The following DPH7 variants were observed in gnomAD, a reference collection of about 807,000 sequenced individuals.
DPH7 encodes diphthine methyltransferase.
In DPH7, 44 loss-of-function variants were observed where a neutral mutation model predicts 41.7. The observed-to-expected ratio is 1.05, with a 90% CI of 0.83 to 1.36. DPH7 has a LOEUF of 1.36. DPH7 is among the 40% of genes most tolerant of loss of function. The pLI is 0.00. For missense variants in DPH7, 629 were observed against 577.5 expected (o/e 1.09, Z -0.91); for synonymous variants, 275 against 238.0 (o/e 1.16, Z -1.43).
chr9:137,558,168 C>T (rs1048857496), intron 8 of DPH7, among the ~76,000 whole-genome samples: 2 of 152,146 alleles, frequency 1.3e-5, no homozygotes, highest in East Asian at 1.9e-4. Flanking sequence ...AAGGCCTATA[C>T]AGAGTACCTG....
rs894344812 is a variant in DPH7 at position 137,555,558 on chromosome 9, G to A, written c.1040C>T (p.Ser347Phe). 3.7e-6 allele frequency: 6 copies of A among 1,613,834 alleles called. No homozygotes were observed. Among genetic ancestry groups the A allele is most frequent in the Non-Finnish European group, 5.1e-6 (6 of 1,180,000 alleles). ...GADWSWLLFR[S>F]LQRAPSWSFP... ...GGACCACGAGGGGGCCCGCTGCAGA[G>A]AACGGAAGAGCAGCCAGGACCAGTC... The change falls in exon 9 of 9, where the codon TCT becomes TTT. Residue 347 changes from serine to phenylalanine, a missense_variant. By Grantham distance (155) the Ser-to-Phe change is radical. Transcript: ENST00000277540.
Position 137,578,749 on chromosome 9 carries a change from A to T in DPH7, c.29T>A (p.Val10Glu). Residue 10 changes from valine to glutamate, a missense_variant, in exon 1 of 9, where the codon GTG becomes GAG. Transcript: ENST00000277540. The stretch of plus-strand genomic sequence containing the variant: ...CGAGTCCGCGGTCAGCTCGGTGTCC[A>T]CCGTTTGCAGGGCGAAACAGCCCAT... The part of the protein sequence containing the change: MMGCFALQT[V>E]DTELTADSVE... 2 of 1,521,958 alleles carry T rather than the reference A, an allele frequency of 1.3e-6. No homozygotes were observed. Among genetic ancestry groups the T allele is most frequent in the African/African-American group, 2.9e-5 (2 of 69,576 alleles). The allele number at this position is 1,521,958 out of a possible 1,614,324, so 94.3% of individuals were successfully genotyped here.
intron 7 of DPH7, 30 bp from the exon 8 acceptor site, chr9:137,564,636 A>G (rs781258380): frequency 1.3e-6 from 2 of 1,597,808 alleles, no homozygotes; most frequent in South Asian, 1.1e-5. Context: ...GGAGGCATAT[A>G]AGGAAAGCCC....
At chr9:137,576,847 G>A (rs988478118) in intron 2 of DPH7, among the ~76,000 whole-genome samples, 7 of 151,244 alleles carry the variant, frequency 4.6e-5, no homozygotes, top group South Asian at 2.1e-4. Context: ...CCGAGACCGC[G>A]CCACTGCACT....
chr9:137,577,324 C>T, intron 2 of DPH7, 146 bp downstream of exon 2: 1 of 810,268 alleles, frequency 1.2e-6, no homozygotes, highest in African/African-American at 1.7e-5. Context: ...GTAAAGCACT[C>T]CCCAGGTGGA....
chr9:137,569,855 T>A (rs549854595), intron 5 of DPH7, among the ~76,000 whole-genome samples: 1 of 113,006 alleles, frequency 8.8e-6, no homozygotes, highest in South Asian at 3.1e-4. Context: ...ACCCACCAAC[T>A]CATCCACCCA....
chr9:137,559,164 G>A (rs1753859), intron 8 of DPH7, among the ~76,000 whole-genome samples: 4,360 of 152,070 alleles, frequency 0.029, 218 homozygotes, highest in African/African-American at 0.099. Flanking sequence ...AATAATCCTC[G>A]CTCTACAATC....
chr9:137,578,550 G>A lies in DPH7; in HGVS notation c.153+75C>T. On this transcript the variant is annotated intron_variant, in intron 1 of 8. Transcript: ENST00000277540. ...CCAATATCCCCTCTTCATCTCCTGG[G>A]CGATTCGGTGCGCCTTTCGGCCTCA... 3 of 1,375,562 alleles carry A rather than the reference G, an allele frequency of 2.2e-6. No individual in the cohort carries two copies. In the South Asian group the frequency reaches 4.6e-5, roughly 21 times the overall value. 85.2% of individuals were successfully genotyped at this position (1,375,562 alleles called of 1,614,324 possible).
chr9:137,570,844 A>G (rs1478571577), intron 5 of DPH7, among the ~76,000 whole-genome samples: 2 of 152,030 alleles, frequency 1.3e-5, no homozygotes, highest in Non-Finnish European at 2.9e-5. Flanking sequence ...TGCTCCCAGC[A>G]CCCTTGGTCC....
At chr9:137,563,737 G>A (rs1346832418) in intron 8 of DPH7, among the ~76,000 whole-genome samples, 2 of 152,014 alleles carry the variant, frequency 1.3e-5, no homozygotes, top group African/African-American at 2.4e-5. Flanking sequence ...CTTATTTTTG[G>A]AGTGAGGGGA....
chr9:137,568,670 G>A (rs1839861090), intron 5 of DPH7, among the ~76,000 whole-genome samples: 1 of 152,144 alleles, frequency 6.6e-6, no homozygotes, highest in Admixed American at 6.5e-5. Context: ...ACAACCCCCA[G>A]GAAAGTCATC....
Position 137,554,921 on chromosome 9 carries a change from T to C in DPH7, c.*318A>G, listed in dbSNP as rs1005323982. On this transcript the variant is annotated 3_prime_UTR_variant, in exon 9 of 9. Transcript: ENST00000277540. ...AACTCGTGTTTTTCAAAAAACTTCATTTAATACAAATAGTTGCTTAAACAA... is the reference window on the plus strand; with the variant it reads ...AACTCGTGTTTTTCAAAAAACTTCACTTAATACAAATAGTTGCTTAAACAA... 4 of 274,742 alleles carry C rather than the reference T, an allele frequency of 1.5e-5. No homozygotes were observed. In the Admixed American group the frequency reaches 2.1e-4, roughly 14 times the overall value. 17.0% of individuals were successfully genotyped at this position (274,742 alleles called of 1,614,324 possible).
At chr9:137,565,270 CCGGGG>C in intron 5 of DPH7, 116 bp from the exon 6 acceptor site, 14 of 838,016 alleles carry the variant, frequency 1.7e-5, no homozygotes, top group African/African-American at 2.0e-5. Context: ...AGGAAGCTCC[CCGGGG>C]TGACTCTGTC....
At chr9:137,575,899 G>C in intron 3 of DPH7, 181 bp downstream of exon 3, 2 of 1,407,718 alleles carry the variant, frequency 1.4e-6, no homozygotes, top group South Asian at 3.1e-5. Context: ...CTTCCTCTTG[G>C]AGTTGGATGT....
intron 7 of DPH7, 25 bp downstream of exon 7, chr9:137,564,868 G>C: frequency 6.3e-7 from 1 of 1,579,082 alleles, no homozygotes; most frequent in Non-Finnish European, 8.6e-7. Flanking sequence ...GACGAGAAGG[G>C]CCCGAGAGCC....
At chr9:137,559,353 T>C (rs1246933494) in intron 8 of DPH7, among the ~76,000 whole-genome samples, 1 of 152,284 alleles carries the variant, frequency 6.6e-6, no homozygotes, top group African/African-American at 2.4e-5. Flanking sequence ...GACCATGGTC[T>C]AGCGGTAGCG....
intron 5 of DPH7, among the ~76,000 whole-genome samples, chr9:137,573,551 C>T (rs1171235326): frequency 2.7e-5 from 4 of 148,442 alleles, no homozygotes; most frequent in Non-Finnish European, 4.5e-5. Flanking sequence ...GACATGGTGG[C>T]GGGTGCCTGT....
chr9:137,558,442 A>C (rs1397657721), intron 8 of DPH7, among the ~76,000 whole-genome samples: 1 of 152,194 alleles, frequency 6.6e-6, no homozygotes, highest in Non-Finnish European at 1.5e-5. Flanking sequence ...AGGTGAAAAC[A>C]ACCCAAATGT....
intron 3 of DPH7, chr9:137,575,388 T>C (rs1283526737): frequency 3.0e-6 from 3 of 988,292 alleles, no homozygotes; most frequent in Non-Finnish European, 3.6e-6. Context: ...AGCAGGCTGC[T>C]GTACCAAAGC....
Sources: gnomAD v4.1 joint callset for allele counts (sites outside exome capture counted in the v4.1 genomes callset) on GRCh38, gnomAD v4.1.1 for gene constraint, MANE v1.5 for transcripts, NCBI Gene and HGNC (gene_info 2026-07-23, HGNC 2026-07-21) for gene names.